The following BBS9 variants were observed in gnomAD, a reference collection of about 807,000 sequenced individuals.
BBS9 encodes protein PTHB1.
BBS9 carries 89 observed loss-of-function variants against 117.7 expected under a neutral mutation model. That is an observed-to-expected ratio of 0.76 (90% CI 0.64 to 0.90). BBS9 has a LOEUF of 0.90. Among genes scored for constraint, BBS9 ranks in the 40% least tolerant of loss-of-function variants. BBS9 has a pLI of 0.00. For missense variants in BBS9, 982 were observed against 1,042.2 expected, an observed-to-expected ratio of 0.94 and a Z score of 0.80; for synonymous variants, 379 against 370.9, an observed-to-expected ratio of 1.02 and a Z score of -0.25.
intron 21 of BBS9, among the ~76,000 whole-genome samples, chr7:33,618,206 A>G (rs905865783): frequency 1.3e-5 from 2 of 152,108 alleles, no homozygotes; most frequent in Non-Finnish European, 2.9e-5. Context: ...TTAGCTGGGC[A>G]TAATGTCACA....
Position 33,604,896 on chromosome 7 carries a change from A to G in BBS9, c.2553A>G (p.Leu851=). 6.2e-7 allele frequency: 1 copy of G among 1,613,424 alleles called. No homozygotes were observed. The highest frequency in any genetic ancestry group is 1.1e-5 in the South Asian group (1 of 91,040). Residue 851 remains leucine (L), a synonymous_variant, in exon 22 of 23, where the codon CTA becomes CTG. Coordinates refer to ENST00000242067, the MANE Select transcript of BBS9 (RefSeq NM_198428.3). ...GGCTTIPESD[L]EERSVEQDST... Reference sequence around the variant, plus strand: ...GTACTACAATCCCAGAGTCAGACCTAGAAGAAAGATCAGTAGAACAAGACT... The same window carrying G: ...GTACTACAATCCCAGAGTCAGACCTGGAAGAAAGATCAGTAGAACAAGACT...
At chr7:33,490,607 G>T (rs1463083434) in intron 19 of BBS9, among the ~76,000 whole-genome samples, 4 of 152,098 alleles carry the variant, frequency 2.6e-5, no homozygotes, top group African/African-American at 7.2e-5. Flanking sequence ...GTTGCTCATT[G>T]AGCCAAATTT....
At chr7:33,303,522 T>TCTCCCCCCCC (rs1806965297) in intron 9 of BBS9, among the ~76,000 whole-genome samples, 1 of 77,030 alleles carries the variant, frequency 1.3e-5, no homozygotes, top group Non-Finnish European at 2.4e-5. Context: ...AATGATCCCC[T>TCTCCCCCCCC]CCCCCCGCCC....
intron 9 of BBS9, among the ~76,000 whole-genome samples, chr7:33,302,789 C>T (rs1050720705): frequency 7.2e-5 from 11 of 151,982 alleles, no homozygotes; most frequent in African/African-American, 1.9e-4. Context: ...ATAAATTGTA[C>T]GATTATTTTT....
At chr7:33,590,466 T>TGTTTTTGTTTTG (rs60557617) in intron 21 of BBS9, among the ~76,000 whole-genome samples, 3 of 139,472 alleles carry the variant, frequency 2.2e-5, no homozygotes, top group African/African-American at 8.3e-5. Flanking sequence ...TTTGTTTTTT[T>TGTTTTTGTTTTG]TTTTTTTTTT....
At chr7:33,326,910 G>T (rs1364880208) in intron 9 of BBS9, among the ~76,000 whole-genome samples, 2 of 151,628 alleles carry the variant, frequency 1.3e-5, no homozygotes, top group Non-Finnish European at 2.9e-5. Flanking sequence ...CAGAAGGAAG[G>T]GGTCTTTTCC....
At position 33,331,428 on chromosome 7, in the gene BBS9, G is replaced by A. The variant is rs139027731; in HGVS notation, c.1017-5013G>A. Among the ~76,000 whole-genome samples the A allele has an allele frequency of 7.3e-3, 1,105 of 152,124 alleles. 12 individuals carry two copies. The highest frequency in any genetic ancestry group is 0.025 in the African/African-American group (1,020 of 41,504). On this transcript the variant is annotated intron_variant, in intron 9 of 22. Coordinates refer to ENST00000242067, the MANE Select transcript of BBS9 (RefSeq NM_198428.3). ...CTGGAAGTCCTAGCCAGAGCAATCA[G>A]ACAAAAGAAAGAAATAATCCAAATT...
chr7:33,382,008 A>G (rs1373243506), intron 17 of BBS9, among the ~76,000 whole-genome samples: 2 of 152,222 alleles, frequency 1.3e-5, no homozygotes. Context: ...TTATATGTCC[A>G]TGTATCATGC....
At chr7:33,565,869 T>TAG (rs1856855488) in intron 21 of BBS9, among the ~76,000 whole-genome samples, 1 of 139,502 alleles carries the variant, frequency 7.2e-6, no homozygotes, top group Non-Finnish European at 1.5e-5. Context: ...TATATATATA[T>TAG]AGCTATAAAT....
At chr7:33,151,185 G>C (rs1793248210) in intron 2 of BBS9, among the ~76,000 whole-genome samples, 1 of 152,096 alleles carries the variant, frequency 6.6e-6, no homozygotes, top group Non-Finnish European at 1.5e-5. Flanking sequence ...CTGGGAGGTT[G>C]AGGCTGCAAC....
At chr7:33,261,061 C>G (rs938979219) in intron 6 of BBS9, among the ~76,000 whole-genome samples, 6 of 151,608 alleles carry the variant, frequency 4.0e-5, no homozygotes, top group African/African-American at 1.5e-4. Flanking sequence ...GTTTTTCTCT[C>G]TCTCCTTTTT....
intron 21 of BBS9, among the ~76,000 whole-genome samples, chr7:33,554,707 G>C (rs1855009122): frequency 6.6e-6 from 1 of 152,134 alleles, no homozygotes; most frequent in African/African-American, 2.4e-5. Context: ...GAGCTCAGGG[G>C]AAAAGCCTGG....
At chr7:33,338,200 TTTTA>T (rs1421444302) in intron 10 of BBS9, among the ~76,000 whole-genome samples, 35 of 152,252 alleles carry the variant, frequency 2.3e-4, no homozygotes, top group African/African-American at 8.4e-4. Context: ...CATCATTTAG[TTTTA>T]TTTCTGGGAA....
chr7:33,349,770 G>A (rs943007247), intron 13 of BBS9, among the ~76,000 whole-genome samples: 1 of 152,114 alleles, frequency 6.6e-6, no homozygotes, highest in African/African-American at 2.4e-5. Flanking sequence ...TTCTTTATTG[G>A]TGTTTCTTTA....
chr7:33,389,687 T>TAAAAAAA lies in BBS9; in HGVS notation c.2115+1565_2115+1571dup, dbSNP rs5883400. 2.9e-3 allele frequency among the ~76,000 whole-genome samples: 270 copies of TAAAAAAA among 91,932 alleles called. 3 individuals are homozygous for TAAAAAAA. The highest frequency in any genetic ancestry group is 7.8e-3 in the African/African-American group (171 of 22,010). 60.3% of individuals were successfully genotyped at this position (91,932 alleles called of 152,430 possible). On this transcript the variant is annotated intron_variant, in intron 19 of 22. Coordinates refer to ENST00000242067, the MANE Select transcript of BBS9 (RefSeq NM_198428.3). ...CTGGGTGACAGAGCAAGACTCCATCTAAAAAAAAAAAAAAAAAAAAAAAAA... is the reference window on the plus strand; with the variant it reads ...CTGGGTGACAGAGCAAGACTCCATCTAAAAAAAAAAAAAAAAAAAAAAAAAAAAAAAA...
chr7:33,398,854 C>G (rs1269669973), intron 19 of BBS9, among the ~76,000 whole-genome samples: 1 of 152,056 alleles, frequency 6.6e-6, no homozygotes, highest in East Asian at 1.9e-4. Context: ...CCTGGCTAAT[C>G]TTTGTATCTT....
intron 19 of BBS9, among the ~76,000 whole-genome samples, chr7:33,470,906 T>G (rs1489590557): frequency 6.6e-6 from 1 of 151,894 alleles, no homozygotes; most frequent in African/African-American, 2.4e-5. Context: ...TTTCAAAAGA[T>G]GGGAGGGATA....
At chr7:33,602,095 G>C (rs1863880697) in intron 21 of BBS9, among the ~76,000 whole-genome samples, 1 of 152,188 alleles carries the variant, frequency 6.6e-6, no homozygotes, top group South Asian at 2.1e-4. Context: ...AAGGGAGGGT[G>C]AGGACAAAGG....
At chr7:33,379,593 C>G (rs1455191033) in intron 17 of BBS9, among the ~76,000 whole-genome samples, 1 of 152,008 alleles carries the variant, frequency 6.6e-6, no homozygotes, top group Non-Finnish European at 1.5e-5. Context: ...GACAGTAAAT[C>G]GTATGCTAAA....
Sources: allele counts gnomAD v4.1 joint callset (sites outside exome capture counted in the v4.1 genomes callset), GRCh38; gene constraint gnomAD v4.1.1; transcripts MANE v1.5; gene names NCBI Gene and HGNC (gene_info 2026-07-23, HGNC 2026-07-21).